Variants in RABGAP1 observed in about 807,000 individuals in gnomAD.
RABGAP1 encodes the protein RAB GTPase activating protein 1, also known as rab GTPase-activating protein 1.
A neutral mutation model predicts 137.6 loss-of-function variants in RABGAP1; 23 were observed. The observed-to-expected ratio is 0.17, with a 90% CI of 0.12 to 0.24. The LOEUF is 0.24. RABGAP1 is among the 10% of genes least tolerant of loss of function. RABGAP1 has a pLI of 1.00. For missense variants in RABGAP1, 906 were observed against 1,275.8 expected (o/e 0.71, Z 4.42); for synonymous variants, 451 against 450.7 (o/e 1.00, Z -0.01).
chr9:123,007,553 A>AT (rs34448685), intron 10 of RABGAP1, among the ~76,000 whole-genome samples: 63,631 of 104,454 alleles, frequency 0.61, 19,573 homozygotes, highest in Non-Finnish European at 0.68. Flanking sequence ...AAGTTTTTGT[A>AT]TTTTTTTTTT....
intron 24 of RABGAP1, among the ~76,000 whole-genome samples, chr9:123,100,403 GT>G: frequency 6.7e-6 from 1 of 148,778 alleles, no homozygotes; most frequent in Admixed American, 6.7e-5. Flanking sequence ...GTGTGTGTGT[GT>G]GTGTGTGTGT....
At chr9:122,973,190 G>A (rs1835561098) in intron 2 of RABGAP1, among the ~76,000 whole-genome samples, 1 of 152,106 alleles carries the variant, frequency 6.6e-6, no homozygotes, top group Non-Finnish European at 1.5e-5. Flanking sequence ...TATAAATACT[G>A]GTTGGGGATG....
chr9:123,065,732 T>C (rs1310437191), intron 14 of RABGAP1: 1 of 395,124 alleles, frequency 2.5e-6, no homozygotes, highest in Non-Finnish European at 4.7e-6. Flanking sequence ...CTTTCAAAAT[T>C]TGTTTTTATG....
chr9:123,000,000 G>A (rs1837238448), intron 10 of RABGAP1, among the ~76,000 whole-genome samples: 1 of 151,738 alleles, frequency 6.6e-6, no homozygotes, highest in Non-Finnish European at 1.5e-5. Flanking sequence ...TTTTTAAAAT[G>A]TCTGTGTGGG....
At chr9:123,073,506 CCCCACCGCCATCCTCCCTA>C in intron 15 of RABGAP1, 27 bp from the exon 16 acceptor site, 1 of 1,576,146 alleles carries the variant, frequency 6.3e-7, no homozygotes, top group Non-Finnish European at 8.6e-7. Context: ...TTTTGTGATT[CCCCACCGCCATCCTCCCTA>C]CCCAACAACT....
chr9:123,086,165 G>T (rs890209309), intron 19 of RABGAP1, among the ~76,000 whole-genome samples: 1 of 152,174 alleles, frequency 6.6e-6, no homozygotes, highest in Non-Finnish European at 1.5e-5. Flanking sequence ...TATGAGGGAA[G>T]GGTTTGCTAA....
chr9:122,942,287 CT>C (rs1029035108), intron 1 of RABGAP1, among the ~76,000 whole-genome samples: 10 of 152,050 alleles, frequency 6.6e-5, no homozygotes, highest in African/African-American at 2.4e-4. Context: ...GTTCATCCAA[CT>C]TTTTTTTAAA....
In RABGAP1 at chr9:123,076,265, T is replaced by C. The variant is rs755607737; in HGVS notation, c.2274T>C (p.Asn758=). 8 of 1,610,932 alleles carry C rather than the reference T, an allele frequency of 5.0e-6. No individual in the cohort carries two copies. The highest frequency in any genetic ancestry group is 5.9e-6 in the Non-Finnish European group (7 of 1,178,350). ...TTCAGGGAATAAGTGTTATTTTTAATGTCGCCCTTGGATTATTAAAGGTAC... is the reference window on the plus strand; with the variant it reads ...TTCAGGGAATAAGTGTTATTTTTAACGTCGCCCTTGGATTATTAAAGGTAC... ...LLCEGISVIF[N]VALGLLKTSK... The change falls in exon 18 of 26, where the codon AAT becomes AAC. Residue 758 remains asparagine, a synonymous_variant. Transcript: ENST00000373647.
chr9:122,987,128 C>A (rs1205767246), intron 4 of RABGAP1, among the ~76,000 whole-genome samples: 4 of 151,994 alleles, frequency 2.6e-5, no homozygotes, highest in Non-Finnish European at 5.9e-5. Context: ...CAAAGTGAGA[C>A]CCTGTCTCAA....
intron 1 of RABGAP1, among the ~76,000 whole-genome samples, chr9:122,941,655 C>G (rs1356790774): frequency 1.3e-5 from 2 of 152,242 alleles, no homozygotes; most frequent in African/African-American, 4.8e-5. Flanking sequence ...TTAAAGCGTT[C>G]TTGGCATCCC....
At chr9:122,934,773 A>C in the RABGAP1 span, among the ~76,000 whole-genome samples, 9 of 152,172 alleles carry the variant, frequency 5.9e-5, no homozygotes, top group African/African-American at 2.2e-4. Context: ...TCTCTGTCTC[A>C]TGGGTTGAAG....
chr9:123,020,245 A>G, intron 12 of RABGAP1, 64 bp from the exon 13 acceptor site: 10 of 1,314,178 alleles, frequency 7.6e-6, no homozygotes, highest in Non-Finnish European at 1.0e-5. Context: ...CTTTGATAAA[A>G]GTAACATTCT....
chr9:122,991,692 T>A (rs1179865790), intron 6 of RABGAP1, among the ~76,000 whole-genome samples: 1 of 151,564 alleles, frequency 6.6e-6, no homozygotes, highest in Non-Finnish European at 1.5e-5. Context: ...AGCCTCAGCC[T>A]TCTGGTCTCA....
chr9:122,988,162 A>G (rs1836464626), intron 4 of RABGAP1, among the ~76,000 whole-genome samples: 1 of 152,206 alleles, frequency 6.6e-6, no homozygotes, highest in African/African-American at 2.4e-5. Flanking sequence ...AGACTTTAAT[A>G]TATTTTTAAT....
intron 10 of RABGAP1, among the ~76,000 whole-genome samples, chr9:123,000,739 C>T (rs1341270335): frequency 6.6e-6 from 1 of 151,978 alleles, no homozygotes; most frequent in Admixed American, 6.6e-5. Context: ...GTCTTGACCT[C>T]CTGGGCTCCA....
At chr9:122,953,336 A>G (rs981152138) in intron 1 of RABGAP1, among the ~76,000 whole-genome samples, 24 of 152,088 alleles carry the variant, frequency 1.6e-4, no homozygotes, top group African/African-American at 5.8e-4. Flanking sequence ...GATCGATAGT[A>G]TAACATTACC....
At chr9:123,057,880 G>A (rs979705462) in intron 13 of RABGAP1, among the ~76,000 whole-genome samples, 6 of 152,176 alleles carry the variant, frequency 3.9e-5, no homozygotes, top group Non-Finnish European at 5.9e-5. Context: ...GCAAAACCCC[G>A]TCTCCACCAA....
chr9:122,977,305 A>G (rs1302474930), intron 2 of RABGAP1, among the ~76,000 whole-genome samples: 2 of 152,246 alleles, frequency 1.3e-5, no homozygotes, highest in Non-Finnish European at 2.9e-5. Context: ...TGGACAGACA[A>G]GGGTCAATAG....
At position 122,982,981 on chromosome 9, in the gene RABGAP1, A is replaced by G. The variant is rs370298086; in HGVS notation, c.151-1504A>G. 8.5e-5 allele frequency among the ~76,000 whole-genome samples: 13 copies of G among 152,130 alleles called. No individual in the cohort carries two copies. The East Asian group carries it at 1.4e-3, about 16-fold the overall frequency. Reference sequence around the variant, plus strand: ...ACTTCTGGGCTCCAGCGATCCTCCCACCTCAGCCTCCCAGTAGCTGGGACC... The same window carrying G: ...ACTTCTGGGCTCCAGCGATCCTCCCGCCTCAGCCTCCCAGTAGCTGGGACC... On this transcript the variant is annotated intron_variant, in intron 2 of 25. Transcript: ENST00000373647.
Sources: gnomAD v4.1 joint callset for allele counts (sites outside exome capture counted in the v4.1 genomes callset) on GRCh38, gnomAD v4.1.1 for gene constraint, MANE v1.5 for transcripts, NCBI Gene and HGNC (gene_info 2026-07-23, HGNC 2026-07-21) for gene names.